Variants in GALNT17 observed in about 807,000 individuals in gnomAD.
GALNT17 encodes polypeptide N-acetylgalactosaminyltransferase 17.
A neutral mutation model predicts 63.7 loss-of-function variants in GALNT17; 29 were observed. The observed-to-expected ratio is 0.46, with a 90% CI of 0.34 to 0.62. The LOEUF (loss-of-function observed/expected upper bound fraction) is 0.62, where lower values mean the gene tolerates loss of function less well. Among genes scored for constraint, GALNT17 ranks in the 20% least tolerant of loss-of-function variants. The pLI is 0.01. For synonymous variants in GALNT17, 305 were observed against 318.3 expected (o/e 0.96, Z 0.45); for missense variants, 603 against 799.6 (o/e 0.75, Z 2.97).
chr7:71,471,109 A>G (rs1787620783), intron 5 of GALNT17, among the ~76,000 whole-genome samples: 1 of 149,516 alleles, frequency 6.7e-6, no homozygotes, highest in Middle Eastern at 3.5e-3. Context: ...CCAGTGTCTC[A>G]CTCTATTGTC....
intron 5 of GALNT17, among the ~76,000 whole-genome samples, chr7:71,465,756 G>A (rs149812656): frequency 2.1e-3 from 323 of 152,318 alleles, no homozygotes; most frequent in African/African-American, 4.5e-3. Context: ...ATCCACCAAC[G>A]AGGTTCCGAA....
intron 5 of GALNT17, among the ~76,000 whole-genome samples, chr7:71,469,080 T>G (rs182419573): frequency 6.6e-6 from 1 of 151,916 alleles, no homozygotes; most frequent in Non-Finnish European, 1.5e-5. Context: ...AGTGGAGATA[T>G]GGTGTATATA....
At chr7:71,578,685 G>A (rs1055349781) in intron 6 of GALNT17, among the ~76,000 whole-genome samples, 2 of 152,102 alleles carry the variant, frequency 1.3e-5, no homozygotes, top group Admixed American at 1.3e-4. Flanking sequence ...AAAGCCCCAG[G>A]AACCTGAATG....
intron 1 of GALNT17, among the ~76,000 whole-genome samples, chr7:71,157,712 A>C (rs982751628): frequency 6.6e-6 from 1 of 151,826 alleles, no homozygotes; most frequent in Non-Finnish European, 1.5e-5. Context: ...TGTCTTTACC[A>C]TTTTAAGTGT....
At chr7:71,514,452 G>A (rs758934366) in intron 5 of GALNT17, among the ~76,000 whole-genome samples, 1 of 152,052 alleles carries the variant, frequency 6.6e-6, no homozygotes, top group Non-Finnish European at 1.5e-5. Context: ...TGTCCCCAGT[G>A]CCTTCCTTGA....
At chr7:71,675,907 G>C (rs748160756) in intron 8 of GALNT17, among the ~76,000 whole-genome samples, 2 of 152,212 alleles carry the variant, frequency 1.3e-5, no homozygotes, top group Non-Finnish European at 2.9e-5. Context: ...AGTATCGCTT[G>C]AACCCAGGAG....
At chr7:71,390,779 C>T (rs1445184837) in intron 3 of GALNT17, among the ~76,000 whole-genome samples, 5 of 152,196 alleles carry the variant, frequency 3.3e-5, no homozygotes, top group Non-Finnish European at 5.9e-5. Context: ...CAGCAGAGCA[C>T]TTCCTCAGAG....
intron 5 of GALNT17, among the ~76,000 whole-genome samples, chr7:71,502,140 T>C (rs1788190338): frequency 6.6e-6 from 1 of 152,192 alleles, no homozygotes; most frequent in South Asian, 2.1e-4. Context: ...AAGAAGCAAA[T>C]TAATTTCATA....
chr7:71,516,422 G>A (rs940695722), intron 5 of GALNT17, among the ~76,000 whole-genome samples: 1 of 152,138 alleles, frequency 6.6e-6, no homozygotes, highest in African/African-American at 2.4e-5. Context: ...ACGTGATGAT[G>A]GGATCAGCAG....
At chr7:71,156,798 C>T (rs1190986544) in intron 1 of GALNT17, among the ~76,000 whole-genome samples, 4 of 151,292 alleles carry the variant, frequency 2.6e-5, no homozygotes, top group Admixed American at 1.3e-4. Flanking sequence ...TAGCTCACTG[C>T]AGACTCCAAT....
intron 1 of GALNT17, among the ~76,000 whole-genome samples, chr7:71,301,250 A>G (rs950720713): frequency 2.6e-5 from 4 of 151,612 alleles, no homozygotes; most frequent in African/African-American, 9.7e-5. Context: ...TCGCTCCACT[A>G]CACTCCAGCC....
At chr7:71,374,233 T>G (rs1407909843) in intron 2 of GALNT17, among the ~76,000 whole-genome samples, 1 of 152,236 alleles carries the variant, frequency 6.6e-6, no homozygotes, top group African/African-American at 2.4e-5. Flanking sequence ...AAAGTTTAAG[T>G]CTACCCACCA....
chr7:71,162,607 C>T (rs371492589), intron 1 of GALNT17, among the ~76,000 whole-genome samples: 1 of 152,176 alleles, frequency 6.6e-6, no homozygotes, highest in Non-Finnish European at 1.5e-5. Flanking sequence ...TGAAGTCACC[C>T]GTGAAGTCAG....
chr7:71,577,855 T>G (rs1789563632), intron 6 of GALNT17, among the ~76,000 whole-genome samples: 1 of 152,154 alleles, frequency 6.6e-6, no homozygotes, highest in Non-Finnish European at 1.5e-5. Flanking sequence ...TTAGAACTCC[T>G]GCCATCTTGT....
chr7:71,538,764 T>C (rs1723390204), intron 5 of GALNT17, among the ~76,000 whole-genome samples: 1 of 151,892 alleles, frequency 6.6e-6, no homozygotes, highest in African/African-American at 2.4e-5. Context: ...TTATGTCCTC[T>C]GTTGCTGGTC....
At chr7:71,683,833 C>A (rs534527526) in intron 9 of GALNT17, among the ~76,000 whole-genome samples, 3 of 152,052 alleles carry the variant, frequency 2.0e-5, no homozygotes, top group African/African-American at 4.8e-5. Flanking sequence ...CATGATGAAA[C>A]CTCGTCTCTA....
intron 1 of GALNT17, among the ~76,000 whole-genome samples, chr7:71,306,017 G>C (rs1401607747): frequency 6.6e-6 from 1 of 152,088 alleles, no homozygotes; most frequent in Non-Finnish European, 1.5e-5. Flanking sequence ...TCAGGGGCTC[G>C]AGACCAGCCT....
intron 1 of GALNT17, among the ~76,000 whole-genome samples, chr7:71,333,139 T>C (rs144783988): frequency 6.6e-6 from 1 of 152,344 alleles, no homozygotes; most frequent in Non-Finnish European, 1.5e-5. Context: ...ATATTAACAG[T>C]CACTGTCCAT....
intron 1 of GALNT17, among the ~76,000 whole-genome samples, chr7:71,196,718 A>G (rs1304172450): frequency 6.6e-6 from 1 of 151,876 alleles, no homozygotes; most frequent in Non-Finnish European, 1.5e-5. Context: ...GGTTCAAGTG[A>G]TCTTGGTTCA....
Sources: gnomAD v4.1 joint callset for allele counts (sites outside exome capture counted in the v4.1 genomes callset) on GRCh38, gnomAD v4.1.1 for gene constraint, MANE v1.5 for transcripts, NCBI Gene and HGNC (gene_info 2026-07-23, HGNC 2026-07-21) for gene names.